The following PTPRN2 variants were observed in gnomAD, a reference collection of about 807,000 sequenced individuals.
PTPRN2 encodes protein tyrosine phosphatase receptor type N2.
A neutral mutation model predicts 118.8 loss-of-function variants in PTPRN2; 74 were observed. The ratio of observed to expected loss-of-function variants is 0.62; its 90% CI spans 0.52 to 0.76. The LOEUF (loss-of-function observed/expected upper bound fraction) is 0.76. Among genes scored for constraint, PTPRN2 ranks in the 30% least tolerant of loss-of-function variants. The pLI, the probability that PTPRN2 is intolerant of heterozygous loss-of-function variation, is 0.00. For synonymous variants in PTPRN2, 641 were observed against 608.0 expected, an observed-to-expected ratio of 1.05 and a Z score of -0.80; for missense variants, 1,481 against 1,394.4, an observed-to-expected ratio of 1.06 and a Z score of -0.99.
Position 158,139,741 on chromosome 7 carries a change from G to A in PTPRN2, c.911-1226C>T, listed in dbSNP as rs192037975. On this transcript the variant is annotated intron_variant, in intron 6 of 22. Coordinates refer to ENST00000389418, the MANE Select transcript of PTPRN2 (RefSeq NM_002847.5). ...TGAGAATGGAAAGGGTCCCAGGAGC[G>A]CAGAGGCCGCCAGACACCCTGCATG... Among the ~76,000 whole-genome samples the A allele has an allele frequency of 1.7e-3, 255 of 152,286 alleles. 2 individuals are homozygous for A. The highest frequency in any genetic ancestry group is 0.012 in the Admixed American group (189 of 15,306).
At chr7:158,423,357 G>A (rs1013845805) in intron 2 of PTPRN2, among the ~76,000 whole-genome samples, 4 of 152,198 alleles carry the variant, frequency 2.6e-5, no homozygotes, top group African/African-American at 7.2e-5. Flanking sequence ...ATGCAAGCCT[G>A]ACCTTTCCGG....
intron 11 of PTPRN2, among the ~76,000 whole-genome samples, chr7:158,048,640 A>C (rs1320607714): frequency 6.6e-6 from 1 of 151,446 alleles, no homozygotes; most frequent in Non-Finnish European, 1.5e-5. Context: ...CACCATCACC[A>C]CCATCATCAT....
chr7:157,723,499 C>T (rs142170099), intron 12 of PTPRN2, among the ~76,000 whole-genome samples: 4 of 152,320 alleles, frequency 2.6e-5, no homozygotes, highest in East Asian at 1.9e-4. Context: ...CATGTCACTG[C>T]GCTCGCCGGC....
In PTPRN2 at chr7:157,808,945, T is replaced by C. The variant is rs1805801730; in HGVS notation, c.1788+89728A>G. Among the ~76,000 whole-genome samples the C allele has an allele frequency of 6.6e-6, 1 of 152,122 alleles. No individual in the cohort carries two copies. Among genetic ancestry groups the C allele is most frequent in the Admixed American group, 6.5e-5 (1 of 15,286 alleles). The stretch of plus-strand genomic sequence containing the variant: ...GTGTGGTGTGTCACTTGCTTTTATG[T>C]GGAATGTGGGCAGTTCTTAAAACTT... On this transcript the variant is annotated intron_variant, in intron 12 of 22. Transcript: ENST00000389418. The surrounding 1 kb of genome is among the most constrained non-coding windows in gnomAD (Gnocchi z 5.0).
At chr7:158,110,253 G>C (rs769158405) in intron 10 of PTPRN2, among the ~76,000 whole-genome samples, 3 of 152,338 alleles carry the variant, frequency 2.0e-5, no homozygotes, top group East Asian at 1.9e-4. Context: ...ACATATGCAC[G>C]CATGGTTCCT....
At chr7:158,160,551 A>G (rs893416976) in intron 6 of PTPRN2, among the ~76,000 whole-genome samples, 5 of 152,206 alleles carry the variant, frequency 3.3e-5, no homozygotes, top group Non-Finnish European at 7.3e-5. Context: ...CTTTTTGTAC[A>G]TCTGCATTTG....
chr7:157,854,881 C>G (rs10949665), intron 12 of PTPRN2: 130,859 of 168,564 alleles, frequency 0.78, 51,164 homozygotes, highest in East Asian at 0.95. Context: ...GAAAGGTATG[C>G]ATCGGGGAGG....
chr7:158,139,322 G>A (rs867278548), intron 6 of PTPRN2, among the ~76,000 whole-genome samples: 15 of 152,250 alleles, frequency 9.9e-5, no homozygotes, highest in East Asian at 5.8e-4. Flanking sequence ...AGAGCACGGC[G>A]TCTGAAATTT....
chr7:157,880,626 G>A (rs368342175), intron 12 of PTPRN2, among the ~76,000 whole-genome samples: 44 of 152,318 alleles, frequency 2.9e-4, no homozygotes, highest in African/African-American at 8.7e-4. Context: ...GCTGAGCATC[G>A]TTGACGGTGA....
At chr7:157,852,939 G>A (rs961525194) in intron 12 of PTPRN2, among the ~76,000 whole-genome samples, 5 of 151,866 alleles carry the variant, frequency 3.3e-5, no homozygotes, top group Admixed American at 2.0e-4. Context: ...ATGTGCGTCC[G>A]GAGTGGCCAT....
intron 2 of PTPRN2, among the ~76,000 whole-genome samples, chr7:158,328,903 G>A (rs984844175): frequency 6.7e-6 from 1 of 149,732 alleles, no homozygotes; most frequent in Non-Finnish European, 1.5e-5. Context: ...GCCACCCAGG[G>A]ATCCCAGTGA....
intron 14 of PTPRN2, among the ~76,000 whole-genome samples, chr7:157,649,816 G>A (rs1208191809): frequency 2.0e-5 from 3 of 150,916 alleles, no homozygotes; most frequent in South Asian, 2.1e-4. Context: ...CACTGAACTC[G>A]GTGGGTCGGA....
At chr7:158,085,320 A>C (rs1813242665) in intron 10 of PTPRN2, among the ~76,000 whole-genome samples, 1 of 101,672 alleles carries the variant, frequency 9.8e-6, no homozygotes, top group African/African-American at 4.4e-5. Context: ...CACGACGCCC[A>C]TTCACACATG....
intron 12 of PTPRN2, among the ~76,000 whole-genome samples, chr7:157,872,761 T>C (rs1208906502): frequency 6.6e-6 from 1 of 152,214 alleles, no homozygotes; most frequent in Non-Finnish European, 1.5e-5. Context: ...TGCCCCTCCT[T>C]GGAGTGTCCC....
At chr7:157,770,646 A>G (rs1802745090) in intron 12 of PTPRN2, among the ~76,000 whole-genome samples, 1 of 152,220 alleles carries the variant, frequency 6.6e-6, no homozygotes, top group Non-Finnish European at 1.5e-5. Flanking sequence ...AGCAGATCTG[A>G]AAAAAGCATC....
At chr7:157,849,252 T>C (rs954347336) in intron 12 of PTPRN2, among the ~76,000 whole-genome samples, 1 of 152,148 alleles carries the variant, frequency 6.6e-6, no homozygotes, top group African/African-American at 2.4e-5. Flanking sequence ...GAGTTCGCGG[T>C]GCCTTTCTCC....
chr7:158,149,932 A>G (rs1349726232), intron 6 of PTPRN2, among the ~76,000 whole-genome samples: 1 of 152,180 alleles, frequency 6.6e-6, no homozygotes, highest in Non-Finnish European at 1.5e-5. Flanking sequence ...AATATAAAAT[A>G]AATAAAACAT....
At chr7:157,995,489 C>T (rs1489834097) in intron 11 of PTPRN2, among the ~76,000 whole-genome samples, 1 of 152,258 alleles carries the variant, frequency 6.6e-6, no homozygotes, top group Non-Finnish European at 1.5e-5. Context: ...CCAGCCACAT[C>T]TGGGAGATAA....
chr7:158,547,639 C>T (rs931657619), intron 1 of PTPRN2, among the ~76,000 whole-genome samples: 1 of 152,220 alleles, frequency 6.6e-6, no homozygotes, highest in African/African-American at 2.4e-5. Context: ...GGCAGGGACC[C>T]TGCTGGTGGA....
Sources: allele counts gnomAD v4.1 joint callset (sites outside exome capture counted in the v4.1 genomes callset), GRCh38; gene constraint gnomAD v4.1.1; non-coding constraint Gnocchi (gnomAD v3.1); transcripts MANE v1.5; gene names NCBI Gene and HGNC (gene_info 2026-07-23, HGNC 2026-07-21).